Variants in CHURC1 observed in about 807,000 individuals in gnomAD.
CHURC1 encodes the protein churchill domain containing 1.
CHURC1 carries 12 observed loss-of-function variants against 15.4 expected under a neutral mutation model. The observed-to-expected ratio is 0.78, with a 90% CI of 0.50 to 1.27. The LOEUF (loss-of-function observed/expected upper bound fraction) is 1.27, where lower values mean the gene tolerates loss of function less well. CHURC1 is among the 50% of genes most tolerant of loss of function. The probability of loss-of-function intolerance (pLI) is 0.00; values close to 1 mark genes in which losing one functional copy is unlikely to be tolerated. For missense variants in CHURC1, 132 were observed against 137.8 expected (o/e 0.96, Z 0.21); for synonymous variants, 42 against 47.5 (o/e 0.88, Z 0.48).
chr14:64,923,497 T>C (rs11624878), intron 1 of CHURC1, among the ~76,000 whole-genome samples: 13,678 of 152,200 alleles, frequency 0.09, 792 homozygotes, highest in Non-Finnish European at 0.12. Context: ...GAGTTTACTT[T>C]TGTTTATTTT....
intron 3 of CHURC1, among the ~76,000 whole-genome samples, chr14:64,931,479 A>C (rs1186561889): frequency 6.6e-6 from 1 of 152,130 alleles, no homozygotes; most frequent in East Asian, 1.9e-4. Context: ...GGCTGCAGTG[A>C]ACCATCATTG....
intron 1 of CHURC1, among the ~76,000 whole-genome samples, chr14:64,916,255 C>G (rs1019456760): frequency 1.3e-5 from 2 of 152,116 alleles, no homozygotes; most frequent in African/African-American, 2.4e-5. Context: ...CTGTAAGGAA[C>G]GTATACAATT....
intron 2 of CHURC1, among the ~76,000 whole-genome samples, chr14:64,925,440 A>G (rs1213273401): frequency 6.6e-6 from 1 of 152,176 alleles, no homozygotes; most frequent in Non-Finnish European, 1.5e-5. Flanking sequence ...TAGGAGGCCC[A>G]GGAGGGTGGA....
chr14:64,922,602 TCAAAG>T (rs1371627268), intron 1 of CHURC1, among the ~76,000 whole-genome samples: 1 of 132,988 alleles, frequency 7.5e-6, no homozygotes, highest in Non-Finnish European at 1.6e-5. Flanking sequence ...AAAAAAAAAA[TCAAAG>T]CAAAGCATTT....
At chr14:64,914,676 C>T in intron 1 of CHURC1, 142 bp downstream of exon 1, 6 of 1,481,020 alleles carry the variant, frequency 4.1e-6, no homozygotes, top group Non-Finnish European at 5.4e-6. Flanking sequence ...TATTTAGGCA[C>T]ACCAGGGATG....
In CHURC1 at chr14:64,932,913, G is replaced by A. The variant is rs1471017686; in HGVS notation, c.*683G>A. 6.6e-6 allele frequency: 1 copy of A among 152,174 alleles called. No homozygotes were observed. Among genetic ancestry groups the A allele is most frequent in the Non-Finnish European group, 1.5e-5 (1 of 68,058 alleles). 9.4% of individuals were successfully genotyped at this position (152,174 alleles called of 1,614,324 possible). ...TTCCTTGCAGAGTATAATATGGAAA[G>A]GGGGGAAAAGAGTAACTTTACAGTG... On this transcript the variant is annotated 3_prime_UTR_variant, in exon 4 of 4. Transcript: ENST00000549115.
intron 3 of CHURC1, among the ~76,000 whole-genome samples, chr14:64,927,266 A>G (rs774107064): frequency 3.9e-5 from 6 of 152,220 alleles, no homozygotes; most frequent in Non-Finnish European, 7.3e-5. Context: ...TTTCTTCAGC[A>G]TCCAAAAATT....
chr14:64,916,214 T>C (rs879944866), intron 1 of CHURC1, among the ~76,000 whole-genome samples: 29 of 152,328 alleles, frequency 1.9e-4, no homozygotes, highest in African/African-American at 6.5e-4. Flanking sequence ...AACCAAAATA[T>C]ATTATTCAAG....
At chr14:64,929,691 T>A (rs1456133354) in intron 3 of CHURC1, among the ~76,000 whole-genome samples, 1 of 152,002 alleles carries the variant, frequency 6.6e-6, no homozygotes, top group Admixed American at 6.6e-5. Context: ...CATTCTCATA[T>A]CCCCCCATAG....
chr14:64,927,727 C>T (rs1362455196), intron 3 of CHURC1, among the ~76,000 whole-genome samples: 3 of 122,644 alleles, frequency 2.4e-5, no homozygotes, highest in South Asian at 3.4e-4. Context: ...CCCCCCCCCC[C>T]GCCGTCAATT....
chr14:64,925,784 T>C (rs1884650782), intron 2 of CHURC1, among the ~76,000 whole-genome samples: 1 of 151,406 alleles, frequency 6.6e-6, no homozygotes, highest in East Asian at 1.9e-4. Flanking sequence ...AAAGAACTTT[T>C]GGTGGCAATT....
Sources: gnomAD v4.1 joint callset for allele counts (sites outside exome capture counted in the v4.1 genomes callset) on GRCh38, gnomAD v4.1.1 for gene constraint, MANE v1.5 for transcripts, NCBI Gene and HGNC (gene_info 2026-07-23, HGNC 2026-07-21) for gene names.